CSMD1: variants seen among roughly 807,000 people sequenced by gnomAD.
CSMD1 encodes CUB and Sushi multiple domains 1.
Under a neutral mutation model 417.5 loss-of-function variants are expected in CSMD1, and 213 were observed. The ratio of observed to expected loss-of-function variants is 0.51; its 90% confidence interval spans 0.46 to 0.57. CSMD1 has a LOEUF of 0.57. Among genes scored for constraint, CSMD1 ranks in the 20% least tolerant of loss-of-function variants. CSMD1 has a pLI of 0.00. For synonymous variants in CSMD1, 2,862 were observed against 1,736.8 expected, an observed-to-expected ratio of 1.65 and a Z score of -16.11; for missense variants, 6,923 against 4,529.7, an observed-to-expected ratio of 1.53 and a Z score of -15.17.
At chr8:3,970,698 G>A (rs979605523) in intron 5 of CSMD1, among the ~76,000 whole-genome samples, 3 of 152,136 alleles carry the variant, frequency 2.0e-5, no homozygotes, top group Non-Finnish European at 4.4e-5. Flanking sequence ...ATATTTATAT[G>A]TCCATGAATG....
chr8:3,082,460 C>T (rs572045665), intron 49 of CSMD1, among the ~76,000 whole-genome samples: 44 of 152,292 alleles, frequency 2.9e-4, no homozygotes, highest in African/African-American at 1.1e-3. Flanking sequence ...CTGCTACTCC[C>T]GCCGGATGAC....
chr8:4,069,034 T>C lies in CSMD1; in HGVS notation c.416-36935A>G, dbSNP rs77267184. Among the ~76,000 whole-genome samples the C allele has an allele frequency of 1.7e-3, 256 of 152,366 alleles. 5 individuals carry two copies. The East Asian group carries it at 0.042, about 25-fold the overall frequency. The stretch of plus-strand genomic sequence containing the variant: ...GTTGATTTTTACTTTGCTTATGTTT[T>C]ATTCTTTCCTTCTATAGACTATTTA... On this transcript the variant is annotated intron_variant, in intron 3 of 69. Transcript: ENST00000635120.
At chr8:4,302,877 T>G (rs1024102346) in intron 3 of CSMD1, among the ~76,000 whole-genome samples, 1 of 152,116 alleles carries the variant, frequency 6.6e-6, no homozygotes, top group African/African-American at 2.4e-5. Flanking sequence ...AGTTTAAATG[T>G]TGGCCTCCAT....
At chr8:3,200,248 T>C (rs1340963819) in intron 32 of CSMD1, among the ~76,000 whole-genome samples, 3 of 152,056 alleles carry the variant, frequency 2.0e-5, no homozygotes, top group Non-Finnish European at 4.4e-5. Context: ...CTGAAGTATA[T>C]TTTTAACCTT....
At chr8:4,063,604 A>G (rs1253106210) in intron 3 of CSMD1, among the ~76,000 whole-genome samples, 1 of 152,194 alleles carries the variant, frequency 6.6e-6, no homozygotes, top group Non-Finnish European at 1.5e-5. Context: ...GGTGCCACGT[A>G]CGTTTCCAGT....
At chr8:4,680,566 C>A (rs1489498602) in intron 1 of CSMD1, among the ~76,000 whole-genome samples, 1 of 152,008 alleles carries the variant, frequency 6.6e-6, no homozygotes, top group African/African-American at 2.4e-5. Context: ...TAGGGGGCCA[C>A]CACATTCTAA....
chr8:3,106,518 C>G lies in CSMD1; in HGVS notation c.6949+10G>C. The G allele has an allele frequency of 1.3e-6, 2 of 1,556,488 alleles. No homozygotes were observed. Among genetic ancestry groups the G allele is most frequent in the Non-Finnish European group, 8.8e-7 (1 of 1,131,336 alleles). ...AAGTTTATGTAGTTTTAGTATCGAA[C>G]AGTGCATACCTTCACATGTTGGGAG... On this transcript the variant is annotated intron_variant, in intron 46 of 69. Coordinates refer to ENST00000635120, the MANE Select transcript of CSMD1 (RefSeq NM_033225.6).
chr8:3,075,109 T>G (rs988294801), intron 49 of CSMD1, among the ~76,000 whole-genome samples: 1 of 152,144 alleles, frequency 6.6e-6, no homozygotes, highest in Admixed American at 6.6e-5. Context: ...CTAGGCGATG[T>G]GCCTGATCCC....
chr8:3,347,380 T>A (rs1808083259), intron 22 of CSMD1, among the ~76,000 whole-genome samples: 1 of 152,180 alleles, frequency 6.6e-6, no homozygotes, highest in Admixed American at 6.5e-5. Context: ...TGGGATTTTG[T>A]CAATCAACGC....
At chr8:4,891,440 G>A (rs1338787915) in intron 1 of CSMD1, among the ~76,000 whole-genome samples, 3 of 152,142 alleles carry the variant, frequency 2.0e-5, no homozygotes, top group Non-Finnish European at 4.4e-5. Context: ...GCTACTGTGT[G>A]TGAACCTAAT....
At position 3,229,975 on chromosome 8, in the gene CSMD1, G is replaced by C. The variant is rs1260114478; in HGVS notation, c.4345+65C>G. 1.1e-5 allele frequency: 12 copies of C among 1,092,534 alleles called. No homozygotes were observed. In the East Asian group the frequency reaches 3.1e-4, roughly 28 times the overall value. 67.7% of individuals were successfully genotyped at this position (1,092,534 alleles called of 1,614,324 possible). A position where few individuals can be genotyped will look rare whatever the true frequency, so the allele number is the denominator to read the frequency against. ...TCTGAAGAAATAATACATTTACGGA[G>C]CGCTTTTAACGACAACATGCATCCA... is the stretch of plus-strand genomic sequence containing the variant. On this transcript the variant is annotated intron_variant, in intron 27 of 69. Transcript: ENST00000635120.
At chr8:4,167,698 T>C (rs758285815) in intron 3 of CSMD1, among the ~76,000 whole-genome samples, 2 of 152,146 alleles carry the variant, frequency 1.3e-5, no homozygotes, top group Non-Finnish European at 2.9e-5. Context: ...TTTAAAATGA[T>C]AAATAGTCAG....
chr8:4,202,279 T>G (rs368252694), intron 3 of CSMD1, among the ~76,000 whole-genome samples: 4 of 152,182 alleles, frequency 2.6e-5, no homozygotes, highest in African/African-American at 9.7e-5. Flanking sequence ...TGTTACTGAT[T>G]ATGCTTTAAA....
chr8:3,799,643 C>A lies in CSMD1; in HGVS notation c.819-45601G>T, dbSNP rs891571204. Among the ~76,000 whole-genome samples the A allele has an allele frequency of 3.3e-5, 5 of 151,978 alleles. No homozygotes were observed. In the South Asian group the frequency reaches 8.3e-4, roughly 25 times the overall value. Reference sequence around the variant, plus strand: ...CATTTGGCTTGTACTTGTAGCATTGCAGAAAACAAGTTATGTATTTGAGGC... The same window carrying A: ...CATTTGGCTTGTACTTGTAGCATTGAAGAAAACAAGTTATGTATTTGAGGC... On this transcript the variant is annotated intron_variant, in intron 5 of 69. Transcript: ENST00000635120.
intron 5 of CSMD1, among the ~76,000 whole-genome samples, chr8:3,987,963 A>C (rs990726032): frequency 4.6e-5 from 7 of 152,220 alleles, no homozygotes; most frequent in Non-Finnish European, 8.8e-5. Context: ...ACAACAAAGG[A>C]AACTGCTCAA....
rs1806194721 is a variant in CSMD1 at position 4,918,153 on chromosome 8, G to A, written c.85+76179C>T. ...CCCTGAAAAATTCTTCCTTTGAATG[G>A]AATCCCGTGTTGGTGTTGGTGACTC... is the stretch of plus-strand genomic sequence containing the variant. On this transcript the variant is annotated intron_variant, in intron 1 of 69. Transcript: ENST00000635120. Among the ~76,000 whole-genome samples, 7 of 152,150 alleles carry A rather than the reference G, an allele frequency of 4.6e-5. No homozygotes were observed. The South Asian group carries it at 1.5e-3, about 32-fold the overall frequency.
chr8:3,625,414 T>G (rs542793133), intron 7 of CSMD1, among the ~76,000 whole-genome samples: 1 of 152,038 alleles, frequency 6.6e-6, no homozygotes, highest in African/African-American at 2.4e-5. Flanking sequence ...TTGCCAGATT[T>G]TTTTGTCTGG....
chr8:4,650,722 A>T (rs1156861396), intron 1 of CSMD1, among the ~76,000 whole-genome samples: 6 of 151,060 alleles, frequency 4.0e-5, no homozygotes, highest in Admixed American at 3.3e-4. Flanking sequence ...ATTTCTAATT[A>T]GAGATTTGAG....
intron 12 of CSMD1, among the ~76,000 whole-genome samples, chr8:3,427,305 G>T (rs2117005042): frequency 6.6e-6 from 1 of 152,272 alleles, no homozygotes; most frequent in South Asian, 2.1e-4. Context: ...AATAAAATCA[G>T]AAGTGCAAAC....
Sources: allele counts gnomAD v4.1 joint callset (sites outside exome capture counted in the v4.1 genomes callset), GRCh38; gene constraint gnomAD v4.1.1; transcripts MANE v1.5; gene names NCBI Gene and HGNC (gene_info 2026-07-23, HGNC 2026-07-21).